Variants in ARHGAP18 observed in about 807,000 individuals in gnomAD.
ARHGAP18 encodes the protein Rho GTPase activating protein 18, also known as rho GTPase-activating protein 18.
A neutral mutation model predicts 86.2 loss-of-function variants in ARHGAP18; 67 were observed. The observed-to-expected ratio is 0.78, with a 90% CI of 0.64 to 0.95. The LOEUF (loss-of-function observed/expected upper bound fraction) is 0.95. Ranked by LOEUF, ARHGAP18 falls within the 40% of genes least tolerant of loss-of-function variation. The probability of loss-of-function intolerance (pLI) is 0.00; values close to 1 mark genes in which losing one functional copy is unlikely to be tolerated. For missense variants in ARHGAP18, 691 were observed against 780.4 expected (o/e 0.89, Z 1.37); for synonymous variants, 283 against 280.4 (o/e 1.01, Z -0.09).
At chr6:129,679,406 G>A (rs181019160) in intron 1 of ARHGAP18, among the ~76,000 whole-genome samples, 3 of 152,302 alleles carry the variant, frequency 2.0e-5, no homozygotes, top group African/African-American at 7.2e-5. Context: ...AAGCAGATTG[G>A]AGTCCTGATT....
intron 13 of ARHGAP18, among the ~76,000 whole-genome samples, chr6:129,582,421 G>C (rs984925112): frequency 3.3e-5 from 5 of 151,924 alleles, no homozygotes; most frequent in African/African-American, 4.9e-5. Flanking sequence ...TAAATTAACT[G>C]TGTCTGGCTG....
intron 1 of ARHGAP18, among the ~76,000 whole-genome samples, chr6:129,701,159 C>T (rs912470609): frequency 6.6e-6 from 1 of 152,120 alleles, no homozygotes; most frequent in African/African-American, 2.4e-5. Context: ...AGATACTGTA[C>T]AGAAAAGGAT....
intron 1 of ARHGAP18, among the ~76,000 whole-genome samples, chr6:129,708,081 G>A (rs936079446): frequency 2.6e-5 from 4 of 152,046 alleles, no homozygotes; most frequent in South Asian, 2.1e-4. Context: ...ATCCTTTCAG[G>A]CTAAACAGGG....
intron 1 of ARHGAP18, among the ~76,000 whole-genome samples, chr6:129,672,590 T>C (rs528272703): frequency 1.3e-5 from 2 of 152,338 alleles, no homozygotes; most frequent in South Asian, 4.1e-4. Flanking sequence ...TACGATTCTA[T>C]TCAGTGTAGT....
chr6:129,679,033 G>A (rs1168694974), intron 1 of ARHGAP18, among the ~76,000 whole-genome samples: 3 of 152,144 alleles, frequency 2.0e-5, no homozygotes, highest in Non-Finnish European at 4.4e-5. Flanking sequence ...GTTTTTAAAA[G>A]TTGAAGTCCA....
At chr6:129,613,102 A>G (rs1389944688) in intron 7 of ARHGAP18, among the ~76,000 whole-genome samples, 2 of 151,970 alleles carry the variant, frequency 1.3e-5, no homozygotes, top group East Asian at 1.9e-4. Flanking sequence ...GCGTGGTGGC[A>G]GGTGCCTGTG....
At chr6:129,625,259 GATATATGATATATATTTATATGTAAT>G (rs1345038041) in intron 5 of ARHGAP18, among the ~76,000 whole-genome samples, 445 of 55,630 alleles carry the variant, frequency 8.0e-3, no homozygotes, top group Middle Eastern at 0.032. Flanking sequence ...TAATATATAT[GATATATGATATATATTTATATGTAAT>G]ATATATGATA....
At chr6:129,616,383 C>A in intron 6 of ARHGAP18, 80 bp from the exon 7 acceptor site, 1 of 1,111,668 alleles carries the variant, frequency 9.0e-7, no homozygotes, top group Non-Finnish European at 1.3e-6. Context: ...CATAAGATTT[C>A]TGATACTGTC....
intron 1 of ARHGAP18, among the ~76,000 whole-genome samples, chr6:129,679,411 C>T (rs1437060931): frequency 2.0e-5 from 3 of 152,138 alleles, no homozygotes; most frequent in Admixed American, 6.5e-5. Context: ...GATTGGAGTC[C>T]TGATTTCTAA....
At chr6:129,680,358 G>A (rs751632172) in intron 1 of ARHGAP18, among the ~76,000 whole-genome samples, 10 of 152,102 alleles carry the variant, frequency 6.6e-5, no homozygotes, top group Non-Finnish European at 1.3e-4. Context: ...CCAAAAGCAA[G>A]GTTCTCTACT....
intron 1 of ARHGAP18, among the ~76,000 whole-genome samples, chr6:129,648,727 A>C (rs1200657587): frequency 7.1e-6 from 1 of 141,322 alleles, no homozygotes; most frequent in Non-Finnish European, 1.5e-5. Flanking sequence ...CATTATCTCT[A>C]TGTTAGAAAA....
At chr6:129,609,064 G>A (rs1410129917) in intron 8 of ARHGAP18, among the ~76,000 whole-genome samples, 2 of 146,582 alleles carry the variant, frequency 1.4e-5, no homozygotes, top group Non-Finnish European at 3.0e-5. Context: ...AGGGAGGGAA[G>A]GAAGAGGAGA....
chr6:129,624,052 C>G (rs954257367), intron 5 of ARHGAP18, among the ~76,000 whole-genome samples: 1 of 152,150 alleles, frequency 6.6e-6, no homozygotes, highest in Non-Finnish European at 1.5e-5. Context: ...ATTAGTTAAA[C>G]AGAGAAGAAA....
At chr6:129,623,908 G>C (rs1395984975) in intron 5 of ARHGAP18, among the ~76,000 whole-genome samples, 1 of 152,148 alleles carries the variant, frequency 6.6e-6, no homozygotes, top group Non-Finnish European at 1.5e-5. Context: ...CAGGAAAACT[G>C]ATCTTGAGCT....
At chr6:129,610,818 A>C (rs567501136) in intron 8 of ARHGAP18, among the ~76,000 whole-genome samples, 3 of 152,178 alleles carry the variant, frequency 2.0e-5, no homozygotes, top group South Asian at 2.1e-4. Context: ...TAGTAGAGAC[A>C]GTGTTTCACT....
chr6:129,683,055 CTT>C (rs199633610), intron 1 of ARHGAP18, among the ~76,000 whole-genome samples: 1,813 of 139,022 alleles, frequency 0.013, 39 homozygotes, highest in African/African-American at 0.045. Context: ...TTTGTTTTTT[CTT>C]TTTTTTTTTT....
At chr6:129,679,185 T>A (rs1271592178) in intron 1 of ARHGAP18, among the ~76,000 whole-genome samples, 1 of 152,216 alleles carries the variant, frequency 6.6e-6, no homozygotes, top group African/African-American at 2.4e-5. Context: ...TTCATCTGAT[T>A]TGTCCTAATT....
At chr6:129,646,085 A>T (rs1773572312) in intron 1 of ARHGAP18, among the ~76,000 whole-genome samples, 1 of 152,204 alleles carries the variant, frequency 6.6e-6, no homozygotes. Flanking sequence ...GCCATTGATT[A>T]TACTGAGGTC....
intron 11 of ARHGAP18, among the ~76,000 whole-genome samples, chr6:129,599,582 C>A (rs748385995): frequency 3.3e-5 from 5 of 152,140 alleles, no homozygotes; most frequent in Non-Finnish European, 5.9e-5. Context: ...TTGCCACCCA[C>A]TGTGGAAGGT....
Sources: allele counts gnomAD v4.1 joint callset (sites outside exome capture counted in the v4.1 genomes callset), GRCh38; gene constraint gnomAD v4.1.1; transcripts MANE v1.5; gene names NCBI Gene and HGNC (gene_info 2026-07-23, HGNC 2026-07-21).